The following PNPLA3 variants were observed in gnomAD, a reference collection of about 807,000 sequenced individuals.
The protein encoded by PNPLA3 is 1-acylglycerol-3-phosphate O-acyltransferase PNPLA3.
Under a neutral mutation model 43.1 loss-of-function variants are expected in PNPLA3, and 42 were observed. The ratio of observed to expected loss-of-function variants is 0.97; its 90% CI spans 0.76 to 1.26. The LOEUF is 1.26. Ranked by LOEUF, PNPLA3 falls within the 50% of genes most tolerant of loss-of-function variation. The probability of loss-of-function intolerance (pLI) is 0.00; values close to 1 mark genes in which losing one functional copy is unlikely to be tolerated. For synonymous variants in PNPLA3, 272 were observed against 253.6 expected (o/e 1.07, Z -0.69); for missense variants, 647 against 621.4 (o/e 1.04, Z -0.44).
At chr22:43,926,878 A>G in intron 1 of PNPLA3, 57 bp from the exon 2 acceptor site, 2 of 1,512,754 alleles carry the variant, frequency 1.3e-6, no homozygotes, top group Non-Finnish European at 1.8e-6. Context: ...GGCCTTGCCA[A>G]AAGTATTACC....
At chr22:43,937,473 G>A in intron 6 of PNPLA3, among the ~76,000 whole-genome samples, 1 of 152,100 alleles carries the variant, frequency 6.6e-6, no homozygotes, top group Non-Finnish European at 1.5e-5. Flanking sequence ...CTGGAACCTT[G>A]CCAAGTCTCC....
chr22:43,932,312 GT>G (rs573014846), intron 3 of PNPLA3, among the ~76,000 whole-genome samples: 2 of 152,174 alleles, frequency 1.3e-5, no homozygotes, highest in Non-Finnish European at 1.5e-5. Context: ...CAGGTTCATT[GT>G]TTCATTTAAG....
At chr22:43,938,363 A>G (rs933252250) in intron 6 of PNPLA3, among the ~76,000 whole-genome samples, 3 of 152,186 alleles carry the variant, frequency 2.0e-5, no homozygotes, top group African/African-American at 7.2e-5. Flanking sequence ...GCTATAAAGA[A>G]ATACCTGAGA....
Position 43,934,650 on chromosome 22 carries a change from G to A in PNPLA3, c.741G>A (p.Arg247=), listed in dbSNP as rs1437752090. The part of the protein sequence containing the change: ...ICLRGYLDAF[R]FLEEKGICNR... ...TTCGAGGATATTTGGATGCATTCAG[G>A]TTCTTGGAAGAGAAGGGTATGTATG... The change falls in exon 5 of 9, where the codon AGG becomes AGA. Residue 247 remains arginine, a synonymous_variant. Coordinates refer to ENST00000216180, the MANE Select transcript of PNPLA3 (RefSeq NM_025225.3). 2.5e-6 allele frequency: 4 copies of A among 1,613,584 alleles called. No homozygotes were observed. The highest frequency in any genetic ancestry group is 3.4e-6 in the Non-Finnish European group (4 of 1,179,494).
chr22:43,939,307 C>G (rs1323520665), intron 6 of PNPLA3: 2 of 843,764 alleles, frequency 2.4e-6, no homozygotes, highest in African/African-American at 3.7e-5. Context: ...TGCCTCATGA[C>G]TTACACACCA....
At position 43,929,031 on chromosome 22, in the gene PNPLA3, G is replaced by A. The variant is rs895264468; in HGVS notation, c.486+142G>A. On this transcript the variant is annotated intron_variant, in intron 3 of 8. Transcript: ENST00000216180. Reference sequence around the variant, plus strand: ...CCCATGCCTCACTGCCTTTCAGACAGAGTAGCCACAGCTGGCCCTATTTCC... The same window carrying A: ...CCCATGCCTCACTGCCTTTCAGACAAAGTAGCCACAGCTGGCCCTATTTCC... The A allele has an allele frequency of 3.5e-6, 3 of 845,380 alleles. No homozygotes were observed. The African/African-American group carries it at 5.0e-5, about 14-fold the overall frequency. The allele number at this position is 845,380 out of a possible 1,614,324, so 52.4% of individuals were successfully genotyped here.
intron 6 of PNPLA3, among the ~76,000 whole-genome samples, chr22:43,938,528 G>A (rs540841257): frequency 6.6e-6 from 1 of 152,310 alleles, no homozygotes; most frequent in East Asian, 1.9e-4. Context: ...TCCCATGACT[G>A]GAGCAGGAGT....
intron 1 of PNPLA3, 81 bp from the exon 2 acceptor site, chr22:43,926,853 TG>T: frequency 8.5e-7 from 1 of 1,179,102 alleles, no homozygotes. Flanking sequence ...GTGGCATCCT[TG>T]CTGTCTGGTT....
At chr22:43,925,925 G>A (rs1185392146) in intron 1 of PNPLA3, among the ~76,000 whole-genome samples, 1 of 152,192 alleles carries the variant, frequency 6.6e-6, no homozygotes, top group East Asian at 1.9e-4. Flanking sequence ...CAGAGGACAG[G>A]TGCAGCCTGG....
intron 8 of PNPLA3, among the ~76,000 whole-genome samples, chr22:43,945,813 T>A (rs2050059300): frequency 6.6e-6 from 1 of 151,654 alleles, no homozygotes; most frequent in Non-Finnish European, 1.5e-5. Context: ...TGGTGACTGG[T>A]GGTCAGTGGT....
At chr22:43,924,384 C>G in intron 1 of PNPLA3, 2 of 427,384 alleles carry the variant, frequency 4.7e-6, no homozygotes, top group South Asian at 8.9e-5. Flanking sequence ...GAAGGGAGAC[C>G]CTCACCTCCG....
At chr22:43,941,692 A>C (rs2050032085) in intron 7 of PNPLA3, among the ~76,000 whole-genome samples, 1 of 152,210 alleles carries the variant, frequency 6.6e-6, no homozygotes, top group Non-Finnish European at 1.5e-5. Context: ...GACCTCAGGC[A>C]AGTTACTCGA....
rs186955313 is a variant in PNPLA3 at position 43,934,554 on chromosome 22, A to C, written c.697-52A>C. The C allele has an allele frequency of 2.0e-5, 31 of 1,519,030 alleles. No homozygotes were observed. In the African/African-American group the frequency reaches 3.8e-4, roughly 19 times the overall value. 94.1% of individuals were successfully genotyped at this position (1,519,030 alleles called of 1,614,324 possible). A position where few individuals can be genotyped will look rare whatever the true frequency, so the allele number is the denominator to read the frequency against. On this transcript the variant is annotated intron_variant, in intron 4 of 8. Transcript: ENST00000216180. ...GCGGTCTTCCAATGATGCTGAAATA[A>C]ATGGTGCTTGGTGTCTCCCTGCTGT...
Position 43,924,112 on chromosome 22 carries a change from C to G in PNPLA3, c.187+14C>G. 6.5e-7 allele frequency: 1 copy of G among 1,527,610 alleles called. No homozygotes were observed. The highest frequency in any genetic ancestry group is 1.2e-5 in the South Asian group (1 of 83,118). The allele number at this position is 1,527,610 out of a possible 1,614,324, so 94.6% of individuals were successfully genotyped here. A position where few individuals can be genotyped will look rare whatever the true frequency, so the allele number is the denominator to read the frequency against. ...GTATCCCGCTGGGTGCGTCTGGGGACGCTGCCCGGGCTCCACGTGCGGAGT... is the reference window on the plus strand; with the variant it reads ...GTATCCCGCTGGGTGCGTCTGGGGAGGCTGCCCGGGCTCCACGTGCGGAGT... On this transcript the variant is annotated intron_variant, in intron 1 of 8. Transcript: ENST00000216180.
chr22:43,923,811 C>G lies in PNPLA3; in HGVS notation c.-101C>G. On this transcript the variant is annotated 5_prime_UTR_variant, in exon 1 of 9. Coordinates refer to ENST00000216180, the MANE Select transcript of PNPLA3 (RefSeq NM_025225.3). The stretch of plus-strand genomic sequence containing the variant: ...CGAGACACTGAGGCAGGGTAGAGAG[C>G]GCTTGCGGGCGCCGGGCGGAGCTGC... 2 of 1,195,064 alleles carry G rather than the reference C, an allele frequency of 1.7e-6. No individual in the cohort carries two copies. The highest frequency in any genetic ancestry group is 2.2e-6 in the Non-Finnish European group (2 of 902,976). The allele number at this position is 1,195,064 out of a possible 1,614,324, so 74.0% of individuals were successfully genotyped here.
In PNPLA3 at chr22:43,944,774, T is replaced by G; in HGVS notation, c.1196T>G (p.Met399Arg). ...VTSQVFTRVL[M>R]CLLPASRSQM... ...TCACAGGTGTTCACTCGAGTGCTGA[T>G]GTGTCTGCTCCCCGCCTCCAGGTAA... Residue 399 changes from methionine (M) to arginine (R), a missense_variant, in exon 8 of 9, where the codon ATG becomes AGG. Met to Arg is a moderately conservative substitution (Grantham distance 91). Transcript: ENST00000216180. 1 of 1,614,192 alleles carries G rather than the reference T, an allele frequency of 6.2e-7. No individual in the cohort carries two copies. Among genetic ancestry groups the G allele is most frequent in the African/African-American group, 1.3e-5 (1 of 75,040 alleles).
At chr22:43,942,660 A>ATTG (rs1333268495) in intron 7 of PNPLA3, among the ~76,000 whole-genome samples, 13 of 130,494 alleles carry the variant, frequency 1.0e-4, no homozygotes, top group African/African-American at 3.7e-4. Flanking sequence ...ATTATCTTCT[A>ATTG]TTGTTATTTC....
intron 5 of PNPLA3, 53 bp downstream of exon 5, chr22:43,934,719 C>A (rs1483512914): frequency 1.3e-6 from 2 of 1,529,206 alleles, no homozygotes; most frequent in South Asian, 1.1e-5. Flanking sequence ...CATTTACTAG[C>A]GGTCTTGGTA....
intron 3 of PNPLA3, among the ~76,000 whole-genome samples, chr22:43,930,608 T>G (rs2049955706): frequency 6.6e-6 from 1 of 152,188 alleles, no homozygotes; most frequent in African/African-American, 2.4e-5. Flanking sequence ...TTTCAAGCCC[T>G]CTGGGTCCTA....
Sources: gnomAD v4.1 joint callset for allele counts (sites outside exome capture counted in the v4.1 genomes callset) on GRCh38, gnomAD v4.1.1 for gene constraint, MANE v1.5 for transcripts, NCBI Gene and HGNC (gene_info 2026-07-23, HGNC 2026-07-21) for gene names.